Variants in RNF19A observed in about 807,000 individuals in gnomAD.
RNF19A encodes ring finger protein 19A, RBR E3 ubiquitin protein ligase.
A neutral mutation model predicts 75.7 loss-of-function variants in RNF19A; 32 were observed. The ratio of observed to expected loss-of-function variants is 0.42; its 90% CI spans 0.32 to 0.57. The LOEUF (loss-of-function observed/expected upper bound fraction) is 0.57. Among genes scored for constraint, RNF19A ranks in the 20% least tolerant of loss-of-function variants. The probability of loss-of-function intolerance (pLI) is 0.10; values close to 1 mark genes in which losing one functional copy is unlikely to be tolerated. For synonymous variants in RNF19A, 335 were observed against 345.2 expected (o/e 0.97, Z 0.33); for missense variants, 782 against 1,036.3 (o/e 0.75, Z 3.37).
upstream of RNF19A, among the ~76,000 whole-genome samples, chr8:100,310,536 C>T (rs1208735380): frequency 1.3e-5 from 2 of 152,248 alleles, no homozygotes; most frequent in Admixed American, 6.5e-5. Context: ...TTTGTGTTCT[C>T]AGGGTTCACC....
chr8:100,300,210 C>A (rs1821760990), intron 1 of RNF19A, among the ~76,000 whole-genome samples: 1 of 152,014 alleles, frequency 6.6e-6, no homozygotes, highest in African/African-American at 2.4e-5. Context: ...ATTAAAAACT[C>A]ACGTACAAAG....
chr8:100,310,260 C>T (rs546229175), upstream of RNF19A: 2 of 984,660 alleles, frequency 2.0e-6, no homozygotes, highest in Non-Finnish European at 2.4e-6. Flanking sequence ...TGTTCCCTTG[C>T]GCACGTTCGT....
intron 1 of RNF19A, among the ~76,000 whole-genome samples, chr8:100,320,741 C>CTATT (rs1822454485): frequency 6.7e-6 from 1 of 148,728 alleles, no homozygotes; most frequent in South Asian, 2.2e-4. Context: ...AAGCATTTAG[C>CTATT]ACAGTGTCTG....
At chr8:100,279,072 T>C (rs1563845718) in intron 2 of RNF19A, among the ~76,000 whole-genome samples, 2 of 152,174 alleles carry the variant, frequency 1.3e-5, no homozygotes, top group Non-Finnish European at 2.9e-5. Flanking sequence ...GTTCTGAGTC[T>C]AGAGACTTAA....
At chr8:100,268,686 A>C (rs78536573) in intron 5 of RNF19A, 99 bp downstream of exon 5, 6 of 161,590 alleles carry the variant, frequency 3.7e-5, no homozygotes, top group Non-Finnish European at 3.3e-5. Context: ...CTTTGTCTAA[A>C]AAAAAAAAAA....
At position 100,330,005 on chromosome 8, in the gene RNF19A, T is replaced by G. The variant is rs1822589859; in HGVS notation, c.-243+6103A>C. 6.6e-6 allele frequency among the ~76,000 whole-genome samples: 1 copy of G among 152,160 alleles called. No homozygotes were observed. Among genetic ancestry groups the G allele is most frequent in the Non-Finnish European group, 1.5e-5 (1 of 68,020 alleles). ...GGTCATGTAAGGGATCCTAATTTGT[T>G]TTTTTGTGGGGGAGGCAGTGGGAGG... On this transcript the variant is annotated intron_variant, in intron 1 of 3. Transcript: ENST00000519527. The surrounding 1 kb of genome is among the most constrained non-coding windows in gnomAD (Gnocchi z 4.1).
upstream of RNF19A, among the ~76,000 whole-genome samples, chr8:100,313,932 C>T (rs1358990943): frequency 8.8e-6 from 1 of 113,672 alleles, no homozygotes; most frequent in East Asian, 2.7e-4. Context: ...CTTACTCTGT[C>T]ACCCAGTGGC....
chr8:100,292,323 T>C (rs1452710495), intron 1 of RNF19A, among the ~76,000 whole-genome samples: 2 of 152,220 alleles, frequency 1.3e-5, no homozygotes, highest in Non-Finnish European at 2.9e-5. Context: ...CTACAAGTCA[T>C]TTACATTTCA....
intron 2 of RNF19A, among the ~76,000 whole-genome samples, chr8:100,283,465 T>C (rs1820875698): frequency 6.6e-6 from 1 of 152,210 alleles, no homozygotes; most frequent in Non-Finnish European, 1.5e-5. Context: ...AGACTTACTC[T>C]GGTTAAATCA....
In RNF19A at chr8:100,275,165, G is replaced by C. The variant is rs1002778772; in HGVS notation, c.675-4C>G. 6.2e-7 allele frequency: 1 copy of C among 1,611,234 alleles called. No homozygotes were observed. The highest frequency in any genetic ancestry group is 1.1e-5 in the South Asian group (1 of 90,814). On this transcript the variant is annotated splice_region_variant and splice_polypyrimidine_tract_variant and intron_variant, in intron 2 of 9. Coordinates refer to ENST00000341084, the MANE Select transcript of RNF19A (RefSeq NM_183419.4). This position sits in a 1 kb window ranked among gnomAD's most constrained non-coding sequence, Gnocchi z 4.3. ...TCCAAATGCTATCACAGCATATCTT[G>C]AAAGAACAAGAAAAATGATTTAAAA...
At position 100,325,766 on chromosome 8, in the gene RNF19A, T is replaced by TACACAC. The variant is rs58005786; in HGVS notation, c.-243+10336_-243+10341dup. ...TATGTATTTATGTGTGAGTATGTAT[T>TACACAC]ACACACACACACACACATTTATATC... On this transcript the variant is annotated intron_variant, in intron 1 of 3. Coordinates refer to the RNF19A transcript ENST00000519527. This position sits in a 1 kb window ranked among gnomAD's most constrained non-coding sequence, Gnocchi z 4.3. Among the ~76,000 whole-genome samples, 3 of 151,314 alleles carry TACACAC rather than the reference T, an allele frequency of 2.0e-5. No homozygotes were observed. The highest frequency in any genetic ancestry group is 1.9e-4 in the East Asian group (1 of 5,148).
chr8:100,274,101 A>G (rs1184423312), intron 3 of RNF19A, among the ~76,000 whole-genome samples: 1 of 152,158 alleles, frequency 6.6e-6, no homozygotes, highest in African/African-American at 2.4e-5. Context: ...TTTATTTTAA[A>G]GATGAGACAA....
At chr8:100,313,489 AGCAAAAGGGAGGG>A (rs1822330394), upstream of RNF19A, 1 of 147,464 alleles carries the variant, frequency 6.8e-6, no homozygotes, top group African/African-American at 2.5e-5. Flanking sequence ...GGCTGAACAT[AGCAAAAGGGAGGG>A]GAGTATGACG....
chr8:100,281,537 A>T (rs1459233775), intron 2 of RNF19A, among the ~76,000 whole-genome samples: 1 of 152,154 alleles, frequency 6.6e-6, no homozygotes, highest in East Asian at 1.9e-4. Context: ...ACCTGGAGCA[A>T]ATTCCTTGTG....
intron 1 of RNF19A, chr8:100,309,616 G>A (rs912554183): frequency 2.7e-5 from 26 of 946,310 alleles, no homozygotes; most frequent in Middle Eastern, 5.3e-4. Context: ...CCCGCGGCCC[G>A]GGAGACGCCC....
intron 7 of RNF19A, 80 bp downstream of exon 7, chr8:100,263,954 T>A: frequency 8.3e-7 from 1 of 1,199,178 alleles, no homozygotes; most frequent in Admixed American, 2.1e-5. Context: ...ATGGAAATTC[T>A]GAGTTGCATG....
chr8:100,303,016 G>C (rs979498574), intron 1 of RNF19A: 1 of 152,220 alleles, frequency 6.6e-6, no homozygotes, highest in Non-Finnish European at 1.5e-5. Context: ...TTTAGTCTCT[G>C]ATCATCATAG....
At position 100,325,217 on chromosome 8, in the gene RNF19A, C is replaced by A. The variant is rs1030108757; in HGVS notation, c.-243+10891G>T. On this transcript the variant is annotated intron_variant, in intron 1 of 3. Transcript: ENST00000519527. The surrounding 1 kb of genome is among the most constrained non-coding windows in gnomAD (Gnocchi z 4.3). ...GCCACTGCGCCCAGCTTAAAAGCAT[C>A]GATTTTTAATAGAAAATCCTAGAAG... Among the ~76,000 whole-genome samples, 1 of 152,090 alleles carries A rather than the reference C, an allele frequency of 6.6e-6. No homozygotes were observed. The highest frequency in any genetic ancestry group is 6.6e-5 in the Admixed American group (1 of 15,266).
intron 1 of RNF19A, among the ~76,000 whole-genome samples, chr8:100,298,542 C>T (rs1361548192): frequency 2.6e-5 from 4 of 152,118 alleles, no homozygotes; most frequent in Admixed American, 1.3e-4. Flanking sequence ...TGGGTTCTAG[C>T]CTTAAGATAG....
Sources: gnomAD v4.1 joint callset for allele counts (sites outside exome capture counted in the v4.1 genomes callset) on GRCh38, gnomAD v4.1.1 for gene constraint, Gnocchi (gnomAD v3.1) non-coding constraint, MANE v1.5 for transcripts, NCBI Gene and HGNC (gene_info 2026-07-23, HGNC 2026-07-21) for gene names.